Variants in TCF12 observed in about 807,000 individuals in gnomAD.
TCF12 encodes the protein transcription factor 12, also known as DNA-binding protein HTF4.
In TCF12, 45 loss-of-function variants were observed where a neutral mutation model predicts 86.0. The observed-to-expected ratio is 0.52, with a 90% CI of 0.41 to 0.67. The LOEUF is 0.67. TCF12 is among the 30% of genes least tolerant of loss of function. TCF12 has a pLI of 0.00. For synonymous variants in TCF12, 330 were observed against 299.6 expected (o/e 1.10, Z -1.05); for missense variants, 881 against 859.9 (o/e 1.02, Z -0.31).
At chr15:57,019,132 T>C (rs1231228031) in intron 3 of TCF12, among the ~76,000 whole-genome samples, 2 of 152,226 alleles carry the variant, frequency 1.3e-5, no homozygotes, top group Non-Finnish European at 2.9e-5. Flanking sequence ...TAGGCAAAGT[T>C]CTAATACTTT....
chr15:57,011,208 T>TG (rs2064810024), intron 3 of TCF12, among the ~76,000 whole-genome samples: 1 of 152,126 alleles, frequency 6.6e-6, no homozygotes, highest in African/African-American at 2.4e-5. Context: ...GTGTTGGAGG[T>TG]GGGGTCCTGC....
At chr15:57,205,861 A>C (rs968349920) in intron 8 of TCF12, among the ~76,000 whole-genome samples, 1 of 152,224 alleles carries the variant, frequency 6.6e-6, no homozygotes, top group South Asian at 2.1e-4. Flanking sequence ...TCAAACCAAA[A>C]AGCAGAAGGA....
chr15:57,226,649 C>G (rs1420401017), intron 8 of TCF12, among the ~76,000 whole-genome samples: 2 of 152,100 alleles, frequency 1.3e-5, no homozygotes, highest in African/African-American at 4.8e-5. Flanking sequence ...CTTCTTTATT[C>G]CAAATTAGGT....
chr15:57,265,110 T>TAGTAC (rs1567015384), intron 18 of TCF12, among the ~76,000 whole-genome samples: 6 of 150,640 alleles, frequency 4.0e-5, no homozygotes, highest in Middle Eastern at 3.5e-3. Flanking sequence ...TAGTATAGTA[T>TAGTAC]AGTATAGTAT....
intron 4 of TCF12, among the ~76,000 whole-genome samples, chr15:57,068,017 G>A (rs1419486602): frequency 1.3e-5 from 2 of 152,136 alleles, no homozygotes; most frequent in African/African-American, 4.8e-5. Context: ...TCACTAAGGT[G>A]TTAATGACTT....
At chr15:56,949,503 A>G (rs976613783) in intron 3 of TCF12, among the ~76,000 whole-genome samples, 2 of 152,248 alleles carry the variant, frequency 1.3e-5, no homozygotes, top group Admixed American at 6.5e-5. Context: ...TTAGGCAAGG[A>G]TGATTTAGTA....
intron 3 of TCF12, among the ~76,000 whole-genome samples, chr15:57,034,139 C>T (rs935647455): frequency 6.6e-6 from 1 of 152,154 alleles, no homozygotes; most frequent in Non-Finnish European, 1.5e-5. Flanking sequence ...CTTCTCTTTC[C>T]TTAGGTGTGC....
At chr15:57,212,626 A>T (rs1010189257) in intron 8 of TCF12, among the ~76,000 whole-genome samples, 11 of 152,144 alleles carry the variant, frequency 7.2e-5, no homozygotes, top group African/African-American at 1.9e-4. Context: ...ATGGAATTTT[A>T]AAAAAAGAGT....
chr15:57,254,857 CAA>C (rs777934020), intron 16 of TCF12, among the ~76,000 whole-genome samples: 4 of 102,560 alleles, frequency 3.9e-5, no homozygotes, highest in South Asian at 3.3e-4. Context: ...GACCCTGTCT[CAA>C]AAAAAAAAAA....
upstream of TCF12, chr15:56,918,565 C>T (rs1395117638): frequency 3.7e-6 from 1 of 269,748 alleles, no homozygotes; most frequent in Non-Finnish European, 7.3e-6. Context: ...TCTGCCGGCC[C>T]CACTTCCTAG....
intron 5 of TCF12, among the ~76,000 whole-genome samples, chr15:57,159,806 C>T (rs2054367809): frequency 6.6e-6 from 1 of 152,092 alleles, no homozygotes; most frequent in South Asian, 2.1e-4. Flanking sequence ...CAAAAATGAA[C>T]AGAAATAATG....
chr15:57,122,075 T>C (rs190649139), intron 5 of TCF12, among the ~76,000 whole-genome samples: 1 of 128,382 alleles, frequency 7.8e-6, no homozygotes, highest in South Asian at 2.4e-4. Context: ...TTTTCCTGCT[T>C]CTTATCTCCT....
intron 5 of TCF12, among the ~76,000 whole-genome samples, chr15:57,111,545 C>T (rs919638105): frequency 6.0e-5 from 9 of 151,240 alleles, no homozygotes; most frequent in Middle Eastern, 3.4e-3. Context: ...TCTTAGTTTG[C>T]CTGTGTGGTG....
intron 3 of TCF12, among the ~76,000 whole-genome samples, chr15:56,961,212 G>A (rs1054536717): frequency 4.6e-5 from 7 of 151,882 alleles, no homozygotes; most frequent in Non-Finnish European, 8.8e-5. Flanking sequence ...TGAGCATAAC[G>A]AAGGTGTATT....
At chr15:57,258,073 G>C (rs2060430078) in intron 16 of TCF12, among the ~76,000 whole-genome samples, 2 of 152,158 alleles carry the variant, frequency 1.3e-5, no homozygotes, top group African/African-American at 4.8e-5. Context: ...GCTAAGGTGG[G>C]ACTACTGCTT....
rs575198820 is a variant in TCF12 at position 57,268,737 on chromosome 15, G to T, written c.1746-4293G>T. On this transcript the variant is annotated intron_variant, in intron 18 of 20. Coordinates refer to ENST00000333725, the MANE Select transcript of TCF12 (RefSeq NM_207037.2). ...CTCATATGTTTTTTTTTCTGATTAT[G>T]TAGTCTATTTTCATTACAGAAATGT... is the stretch of plus-strand genomic sequence containing the variant. 2.6e-5 allele frequency among the ~76,000 whole-genome samples: 4 copies of T among 151,850 alleles called. No individual in the cohort carries two copies. The South Asian group carries it at 8.3e-4, about 32-fold the overall frequency.
At chr15:57,044,614 C>T (rs2067111550) in intron 3 of TCF12, among the ~76,000 whole-genome samples, 1 of 151,234 alleles carries the variant, frequency 6.6e-6, no homozygotes, top group South Asian at 2.1e-4. Context: ...TTTTTTTCAG[C>T]CTTGCTTTTA....
rs537486013 is a variant in TCF12 at position 56,958,192 on chromosome 15, C to T, written c.148+37094C>T. 3.3e-5 allele frequency among the ~76,000 whole-genome samples: 5 copies of T among 152,262 alleles called. No individual in the cohort carries two copies. In the South Asian group the frequency reaches 8.3e-4, roughly 25 times the overall value. On this transcript the variant is annotated intron_variant, in intron 3 of 20. Coordinates refer to ENST00000333725, the MANE Select transcript of TCF12 (RefSeq NM_207037.2). ...TCTGCCCTGCCGACTCTATGAGATCCGTAGTCACGTTCTGATCTCAGTGAG... is the reference window on the plus strand; with the variant it reads ...TCTGCCCTGCCGACTCTATGAGATCTGTAGTCACGTTCTGATCTCAGTGAG...
intron 5 of TCF12, among the ~76,000 whole-genome samples, chr15:57,161,593 T>C (rs1334947924): frequency 6.6e-6 from 1 of 152,212 alleles, no homozygotes; most frequent in Non-Finnish European, 1.5e-5. Flanking sequence ...GCTATTCTAC[T>C]AGAGTTGGGT....
Sources: allele counts gnomAD v4.1 joint callset (sites outside exome capture counted in the v4.1 genomes callset), GRCh38; gene constraint gnomAD v4.1.1; transcripts MANE v1.5; gene names NCBI Gene and HGNC (gene_info 2026-07-23, HGNC 2026-07-21).